Variants in RGS12 observed in about 807,000 individuals in gnomAD.
RGS12 encodes the protein regulator of G-protein signaling 12.
In RGS12, 66 loss-of-function variants were observed where a neutral mutation model predicts 120.1. The ratio of observed to expected loss-of-function variants is 0.55; its 90% CI spans 0.45 to 0.67. The LOEUF is 0.67. Among genes scored for constraint, RGS12 ranks in the 30% least tolerant of loss-of-function variants. RGS12 has a pLI of 0.00. For missense variants in RGS12, 1,859 were observed against 1,957.7 expected, an observed-to-expected ratio of 0.95 and a Z score of 0.95; for synonymous variants, 827 against 804.7, an observed-to-expected ratio of 1.03 and a Z score of -0.47.
chr4:3,362,282 G>C (rs1166371729), intron 3 of RGS12, among the ~76,000 whole-genome samples: 1 of 152,186 alleles, frequency 6.6e-6, no homozygotes, highest in East Asian at 1.9e-4. Context: ...GCCAGGTTGA[G>C]GGGCACATTT....
At chr4:3,437,877 G>A (rs55699784) in intron 17 of RGS12, among the ~76,000 whole-genome samples, 19,387 of 152,144 alleles carry the variant, frequency 0.13, 1,759 homozygotes, top group Non-Finnish European at 0.18. Context: ...CACACCTTCC[G>A]CCCGCAGCCC....
intron 3 of RGS12, among the ~76,000 whole-genome samples, chr4:3,368,118 T>C (rs1578842016): frequency 6.6e-6 from 1 of 152,060 alleles, no homozygotes; most frequent in African/African-American, 2.4e-5. Flanking sequence ...GTTCCCAGGG[T>C]CTGGGGGCCC....
At chr4:3,347,290 A>G (rs1713894323) in intron 3 of RGS12, among the ~76,000 whole-genome samples, 1 of 152,092 alleles carries the variant, frequency 6.6e-6, no homozygotes, top group Non-Finnish European at 1.5e-5. Context: ...TAAAAATACA[A>G]AAAATTAGCC....
At chr4:3,291,890 T>G (rs1349183042), upstream of RGS12, among the ~76,000 whole-genome samples, 1 of 152,158 alleles carries the variant, frequency 6.6e-6, no homozygotes, top group Non-Finnish European at 1.5e-5. Context: ...GCTGGACTCT[T>G]AATTAATTGT....
chr4:3,288,873 C>T (rs3129315), upstream of RGS12, among the ~76,000 whole-genome samples: 21,894 of 152,146 alleles, frequency 0.14, 2,039 homozygotes, highest in Middle Eastern at 0.28. The surrounding 1 kb of genome is among the most constrained non-coding windows in gnomAD (Gnocchi z 5.2). Flanking sequence ...TAATTATGGA[C>T]GCCGTCAACC....
In RGS12 at chr4:3,428,129, A is replaced by G. The variant is rs2269497; in HGVS notation, c.3371A>G (p.Asn1124Ser). 49,321 of 1,613,506 alleles carry G rather than the reference A, an allele frequency of 0.031. 967 individuals are homozygous for G. The highest frequency in any genetic ancestry group is 0.084 in the Admixed American group (5,019 of 60,010). ...CAGAAAGGTGTGCCAGTGAAACAGA[A>G]CACAGCTGTAAATTCCAGCTCCAGA... ...DKQKGVPVKQ[N>S]TAVNSSSRNH... Residue 1124 changes from asparagine to serine, a missense_variant, in exon 15 of 18, where the codon AAC becomes AGC. Asn to Ser is a conservative substitution (Grantham distance 46). Transcript: ENST00000336727.
intron 3 of RGS12, among the ~76,000 whole-genome samples, chr4:3,346,313 A>C (rs1030839928): frequency 6.6e-6 from 1 of 152,182 alleles, no homozygotes; most frequent in African/African-American, 2.4e-5. Flanking sequence ...ACTGATTGTG[A>C]AATTTCGATT....
At chr4:3,405,633 G>A (rs1336178796) in intron 4 of RGS12, among the ~76,000 whole-genome samples, 1 of 151,702 alleles carries the variant, frequency 6.6e-6, no homozygotes. Flanking sequence ...ACTTGGTTAT[G>A]AGAGAATGTC....
intron 3 of RGS12, among the ~76,000 whole-genome samples, chr4:3,346,344 C>CA (rs1382786609): frequency 6.6e-6 from 1 of 152,134 alleles, no homozygotes; most frequent in East Asian, 1.9e-4. Context: ...TCTGCCGAGT[C>CA]AAAAAGGTAG....
At chr4:3,435,373 C>T (rs763985081) in intron 17 of RGS12, among the ~76,000 whole-genome samples, 7 of 152,128 alleles carry the variant, frequency 4.6e-5, no homozygotes, top group Non-Finnish European at 7.4e-5. Context: ...CCCCGCCCTC[C>T]GCAGGAGCAG....
chr4:3,293,812 C>CTGTGGAGTGTGGA (rs1345420175), intron 1 of RGS12, among the ~76,000 whole-genome samples: 1 of 149,430 alleles, frequency 6.7e-6, no homozygotes, highest in Non-Finnish European at 1.5e-5. Flanking sequence ...GGGCCCAGAG[C>CTGTGGAGTGTGGA]CGTGGAGTGT....
intron 4 of RGS12, among the ~76,000 whole-genome samples, chr4:3,387,976 C>G (rs1418412815): frequency 6.6e-6 from 1 of 152,228 alleles, no homozygotes; most frequent in East Asian, 1.9e-4. Flanking sequence ...TGGGAAGTCT[C>G]TAGCTCCTCG....
At chr4:3,417,849 C>T in intron 9 of RGS12, 1 of 303,574 alleles carries the variant, frequency 3.3e-6, no homozygotes, top group Non-Finnish European at 6.1e-6. Context: ...TCCTCTCCTG[C>T]TTTTCACTAT....
At chr4:3,427,410 G>C (rs898761153) in intron 14 of RGS12, among the ~76,000 whole-genome samples, 1 of 152,266 alleles carries the variant, frequency 6.6e-6, no homozygotes, top group Admixed American at 6.5e-5. Context: ...AGGCCAGCCT[G>C]TGGCCCTGGC....
In RGS12 at chr4:3,433,795, CACCGAG is replaced by C. The variant is rs1201037494; in HGVS notation, c.4114+2850_4114+2855del. Reference sequence around the variant, plus strand: ...CCGTCTGTCTAGCCCCAGCACCACGCACCGAGACCGAGACCATGCACCATGCAGGCT... The same window carrying C: ...CCGTCTGTCTAGCCCCAGCACCACGCACCGAGACCATGCACCATGCAGGCT... On this transcript the variant is annotated intron_variant, in intron 17 of 17. Transcript: ENST00000336727. The surrounding 1 kb of genome is among the most constrained non-coding windows in gnomAD (Gnocchi z 4.4). Among the ~76,000 whole-genome samples, 1 of 152,214 alleles carries C rather than the reference CACCGAG, an allele frequency of 6.6e-6. No individual in the cohort carries two copies. Among genetic ancestry groups the C allele is most frequent in the Non-Finnish European group, 1.5e-5 (1 of 68,036 alleles).
intron 4 of RGS12, among the ~76,000 whole-genome samples, chr4:3,397,989 G>A (rs751061455): frequency 1.3e-5 from 2 of 152,118 alleles, no homozygotes; most frequent in Non-Finnish European, 2.9e-5. Flanking sequence ...CTAGCTGTGG[G>A]TCTCATTTCT....
At chr4:3,323,269 C>T (rs2108698474) in intron 2 of RGS12, among the ~76,000 whole-genome samples, 1 of 152,352 alleles carries the variant, frequency 6.6e-6, no homozygotes, top group Admixed American at 6.5e-5. Context: ...TTGGTGGGTG[C>T]TCATCATCTC....
chr4:3,338,147 G>A (rs1689826385), intron 2 of RGS12, among the ~76,000 whole-genome samples: 1 of 152,200 alleles, frequency 6.6e-6, no homozygotes, highest in Non-Finnish European at 1.5e-5. Flanking sequence ...GGCAACCTCT[G>A]CCTCCCAGGT....
In RGS12 at chr4:3,433,787, G is replaced by C. The variant is rs1268852356; in HGVS notation, c.4114+2832G>C. Among the ~76,000 whole-genome samples the C allele has an allele frequency of 6.6e-6, 1 of 152,210 alleles. No individual in the cohort carries two copies. The highest frequency in any genetic ancestry group is 1.5e-5 in the Non-Finnish European group (1 of 68,048). On this transcript the variant is annotated intron_variant, in intron 17 of 17. Transcript: ENST00000336727. This position sits in a 1 kb window ranked among gnomAD's most constrained non-coding sequence, Gnocchi z 4.4. Reference sequence around the variant, plus strand: ...ACTCCACCCCGTCTGTCTAGCCCCAGCACCACGCACCGAGACCGAGACCAT... The same window carrying C: ...ACTCCACCCCGTCTGTCTAGCCCCACCACCACGCACCGAGACCGAGACCAT...
Sources: gnomAD v4.1 joint callset for allele counts (sites outside exome capture counted in the v4.1 genomes callset) on GRCh38, gnomAD v4.1.1 for gene constraint, Gnocchi (gnomAD v3.1) non-coding constraint, MANE v1.5 for transcripts, NCBI Gene and HGNC (gene_info 2026-07-23, HGNC 2026-07-21) for gene names.